FAM222B: variants seen among roughly 807,000 people sequenced by gnomAD.
FAM222B encodes family with sequence similarity 222 member B.
A neutral mutation model predicts 38.0 loss-of-function variants in FAM222B; 12 were observed. The ratio of observed to expected loss-of-function variants is 0.32; its 90% CI spans 0.20 to 0.51. FAM222B has a LOEUF of 0.51. Ranked by LOEUF, FAM222B falls within the 20% of genes least tolerant of loss-of-function variation. The pLI is 0.97. For missense variants in FAM222B, 716 were observed against 754.2 expected (o/e 0.95, Z 0.59); for synonymous variants, 329 against 317.2 (o/e 1.04, Z -0.40).
intron 1 of FAM222B, among the ~76,000 whole-genome samples, chr17:28,787,718 C>T (rs554390842): frequency 5.9e-5 from 9 of 152,014 alleles, no homozygotes; most frequent in Non-Finnish European, 1.2e-4. Flanking sequence ...TAGAATAATA[C>T]TTTCATAGCT....
intron 1 of FAM222B, among the ~76,000 whole-genome samples, chr17:28,792,204 T>C (rs921252512): frequency 6.7e-6 from 1 of 150,060 alleles, no homozygotes; most frequent in Admixed American, 6.7e-5. Context: ...CCTAGCTACT[T>C]AGGAGGCTGA....
At chr17:28,766,546 CAAAG>C in intron 2 of FAM222B, 36 bp downstream of exon 2, 1 of 1,535,588 alleles carries the variant, frequency 6.5e-7, no homozygotes, top group Non-Finnish European at 8.9e-7. Context: ...GAGACAAAAA[CAAAG>C]AATCACACAT....
chr17:28,843,862 G>A (rs1183471623), upstream of FAM222B, among the ~76,000 whole-genome samples: 2 of 152,126 alleles, frequency 1.3e-5, no homozygotes, highest in African/African-American at 2.4e-5. Context: ...TGAAGTCCTG[G>A]GGACCTTGTC....
At chr17:28,835,867 G>GT (rs2038830498) in intron 1 of FAM222B, among the ~76,000 whole-genome samples, 1 of 151,850 alleles carries the variant, frequency 6.6e-6, no homozygotes, top group African/African-American at 2.4e-5. Context: ...TAAAGAGAGG[G>GT]TTTCACCTTA....
intron 1 of FAM222B, among the ~76,000 whole-genome samples, chr17:28,813,625 C>T (rs1002528150): frequency 2.0e-5 from 3 of 151,670 alleles, no homozygotes; most frequent in Non-Finnish European, 4.4e-5. Flanking sequence ...CTCCCAGGTT[C>T]ATGCCATTCT....
chr17:28,767,701 C>T (rs2035408602), intron 1 of FAM222B, among the ~76,000 whole-genome samples: 1 of 152,116 alleles, frequency 6.6e-6, no homozygotes, highest in African/African-American at 2.4e-5. Context: ...GTCTCAAACT[C>T]CTGACCTCAG....
chr17:28,769,468 A>T (rs2035515854), intron 1 of FAM222B, among the ~76,000 whole-genome samples: 1 of 151,666 alleles, frequency 6.6e-6, no homozygotes, highest in South Asian at 2.1e-4. Context: ...GGCGTAAGCC[A>T]CCGTGCCTGG....
intron 1 of FAM222B, among the ~76,000 whole-genome samples, chr17:28,804,508 T>C (rs1887034676): frequency 1.3e-5 from 2 of 151,984 alleles, no homozygotes. Flanking sequence ...CTAACTTTTG[T>C]ATTTTTTAGT....
upstream of FAM222B, among the ~76,000 whole-genome samples, chr17:28,846,985 A>T (rs1454554121): frequency 6.6e-6 from 1 of 152,018 alleles, no homozygotes; most frequent in African/African-American, 2.4e-5. Context: ...GCACTTTGGG[A>T]GGCCTAGGTG....
At chr17:28,818,165 G>A (rs965151341) in intron 1 of FAM222B, among the ~76,000 whole-genome samples, 1 of 151,792 alleles carries the variant, frequency 6.6e-6, no homozygotes, top group Non-Finnish European at 1.5e-5. Context: ...AAGAGTTCAA[G>A]GTTATAGTGA....
At chr17:28,795,250 T>C (rs1404204934) in intron 1 of FAM222B, among the ~76,000 whole-genome samples, 1 of 152,208 alleles carries the variant, frequency 6.6e-6, no homozygotes, top group Non-Finnish European at 1.5e-5. Flanking sequence ...CTTCAAGCGA[T>C]TCTCCCACCT....
chr17:28,842,719 T>G lies in FAM222B; in HGVS notation c.-78A>C, dbSNP rs1041680674. 2 of 153,552 alleles carry G rather than the reference T, an allele frequency of 1.3e-5. No homozygotes were observed. Among genetic ancestry groups the G allele is most frequent in the Non-Finnish European group, 2.9e-5 (2 of 69,074 alleles). 9.5% of individuals were successfully genotyped at this position (153,552 alleles called of 1,614,324 possible). On this transcript the variant is annotated 5_prime_UTR_variant, in exon 1 of 3. Coordinates refer to ENST00000581407, the MANE Select transcript of FAM222B (RefSeq NM_001077498.3). ...GGCCCGGCCCTCATGGCTGCTCCTTTGCCGCCCGCCGCCCGCCGCCACCAC... is the reference window on the plus strand; with the variant it reads ...GGCCCGGCCCTCATGGCTGCTCCTTGGCCGCCCGCCGCCCGCCGCCACCAC...
At position 28,830,863 on chromosome 17, in the gene FAM222B, T is replaced by C. The variant is rs903572784; in HGVS notation, c.-41+11819A>G. Reference sequence around the variant, plus strand: ...ATAAAATAAAGTTAAAATAAAATAATAAAAATATTTTATAATTTTACAAAT... The same window carrying C: ...ATAAAATAAAGTTAAAATAAAATAACAAAAATATTTTATAATTTTACAAAT... On this transcript the variant is annotated intron_variant, in intron 1 of 2. Transcript: ENST00000581407. Among the ~76,000 whole-genome samples, 3 of 151,374 alleles carry C rather than the reference T, an allele frequency of 2.0e-5. No individual in the cohort carries two copies. In the South Asian group the frequency reaches 6.2e-4, roughly 31 times the overall value.
At chr17:28,848,311 A>C (rs1286822437) in intron 1 of FAM222B, among the ~76,000 whole-genome samples, 1 of 152,104 alleles carries the variant, frequency 6.6e-6, no homozygotes, top group Non-Finnish European at 1.5e-5. Context: ...ACGCTGATTG[A>C]GTTGGTTCCG....
chr17:28,836,485 G>A (rs947546828), intron 1 of FAM222B, among the ~76,000 whole-genome samples: 3 of 151,916 alleles, frequency 2.0e-5, no homozygotes, highest in East Asian at 1.9e-4. Flanking sequence ...GGCTTTATTC[G>A]GCCGGGAGCT....
At chr17:28,805,375 A>T (rs2037438076) in intron 1 of FAM222B, among the ~76,000 whole-genome samples, 1 of 152,178 alleles carries the variant, frequency 6.6e-6, no homozygotes, top group East Asian at 1.9e-4. Flanking sequence ...TCTCTACTGA[A>T]AATTCAAAAA....
At chr17:28,771,419 A>G (rs1160920506) in intron 1 of FAM222B, among the ~76,000 whole-genome samples, 1 of 152,086 alleles carries the variant, frequency 6.6e-6, no homozygotes, top group African/African-American at 2.4e-5. Context: ...TGGTGGCTCA[A>G]GCCTGTAATC....
intron 1 of FAM222B, among the ~76,000 whole-genome samples, chr17:28,848,299 A>G (rs1294536662): frequency 1.3e-5 from 2 of 152,150 alleles, no homozygotes; most frequent in Non-Finnish European, 2.9e-5. Context: ...AGAGAATGTT[A>G]TACGCTGATT....
chr17:28,848,015 C>G (rs2039157582), intron 1 of FAM222B, among the ~76,000 whole-genome samples: 2 of 152,066 alleles, frequency 1.3e-5, no homozygotes, highest in Admixed American at 1.3e-4. Flanking sequence ...TGGCTCACAT[C>G]TGAAATCCCA....
Sources: allele counts gnomAD v4.1 joint callset (sites outside exome capture counted in the v4.1 genomes callset), GRCh38; gene constraint gnomAD v4.1.1; transcripts MANE v1.5; gene names NCBI Gene and HGNC (gene_info 2026-07-23, HGNC 2026-07-21).